AFAP1: variants seen among roughly 807,000 people sequenced by gnomAD.
AFAP1 encodes the protein actin filament-associated protein 1.
A neutral mutation model predicts 93.9 loss-of-function variants in AFAP1; 75 were observed. The observed-to-expected ratio is 0.80, with a 90% CI of 0.66 to 0.97. AFAP1 has a LOEUF of 0.97. AFAP1 is among the 50% of genes least tolerant of loss of function. The pLI is 0.00. For missense variants in AFAP1, 1,201 were observed against 1,050.8 expected, an observed-to-expected ratio of 1.14 and a Z score of -1.98; for synonymous variants, 517 against 430.7, an observed-to-expected ratio of 1.20 and a Z score of -2.48.
At chr4:7,791,291 C>A (rs1717838006) in intron 11 of AFAP1, among the ~76,000 whole-genome samples, 1 of 152,182 alleles carries the variant, frequency 6.6e-6, no homozygotes, top group Non-Finnish European at 1.5e-5. Context: ...CATTCACTTC[C>A]CTCACCCCAG....
intron 2 of AFAP1, among the ~76,000 whole-genome samples, chr4:7,869,838 A>G (rs1056768306): frequency 2.6e-5 from 2 of 78,126 alleles, no homozygotes; most frequent in Non-Finnish European, 5.9e-5. Flanking sequence ...AGAAAGGAAA[A>G]GGATAAATGA....
At chr4:7,858,552 A>G (rs572839646) in intron 3 of AFAP1, among the ~76,000 whole-genome samples, 10 of 152,252 alleles carry the variant, frequency 6.6e-5, no homozygotes, top group African/African-American at 2.2e-4. Flanking sequence ...ATCCTTTCCA[A>G]TAAGAATTCA....
chr4:7,787,038 G>T (rs1033331793), intron 11 of AFAP1, among the ~76,000 whole-genome samples: 1 of 152,218 alleles, frequency 6.6e-6, no homozygotes, highest in Admixed American at 6.5e-5. Context: ...CTACTGTGGC[G>T]TAATAAATAT....
At position 7,939,555 on chromosome 4, in the gene AFAP1, C is replaced by A; in HGVS notation, c.-3+101G>T. 1 of 373,860 alleles carries A rather than the reference C, an allele frequency of 2.7e-6. No homozygotes were observed. 23.2% of individuals were successfully genotyped at this position (373,860 alleles called of 1,614,324 possible). On this transcript the variant is annotated intron_variant, in intron 1 of 17. Coordinates refer to ENST00000420658, the MANE Select transcript of AFAP1 (RefSeq NM_001134647.2). This position sits in a 1 kb window ranked among gnomAD's most constrained non-coding sequence, Gnocchi z 5.6. ...CCGAGGCCGAGACAAAGCCCAGGCG[C>A]ACGGACCCCGGACCCTGCGGAGCCC...
At chr4:7,819,899 T>C (rs1305739696) in intron 6 of AFAP1, among the ~76,000 whole-genome samples, 4 of 152,240 alleles carry the variant, frequency 2.6e-5, no homozygotes, top group African/African-American at 9.6e-5. Flanking sequence ...CTTCCTCATC[T>C]GAAAAGTGCA....
Position 7,761,412 on chromosome 4 carries a change from G to C in AFAP1, c.*2353C>G, listed in dbSNP as rs1268275606. 1 of 152,240 alleles carries C rather than the reference G, an allele frequency of 6.6e-6. No individual in the cohort carries two copies. The highest frequency in any genetic ancestry group is 2.1e-4 in the South Asian group (1 of 4,838). 9.4% of individuals were successfully genotyped at this position (152,240 alleles called of 1,614,324 possible). On this transcript the variant is annotated 3_prime_UTR_variant, in exon 18 of 18. Transcript: ENST00000420658. ...CAACAAAATATGCATGCTGGGAGTC[G>C]AGCACCAATCAGCTGTGCCGTTGGG...
chr4:7,797,681 T>C (rs576289932), intron 10 of AFAP1, among the ~76,000 whole-genome samples: 13 of 152,302 alleles, frequency 8.5e-5, no homozygotes, highest in African/African-American at 3.1e-4. Context: ...ATGATAGGAA[T>C]AACTAGAAAA....
At chr4:7,838,021 A>C (rs527680797) in intron 6 of AFAP1, among the ~76,000 whole-genome samples, 9 of 152,224 alleles carry the variant, frequency 5.9e-5, no homozygotes, top group Non-Finnish European at 1.2e-4. Flanking sequence ...TTCAACAAAC[A>C]AAGAAAAAAG....
intron 1 of AFAP1, among the ~76,000 whole-genome samples, chr4:7,888,800 T>C (rs1489859658): frequency 6.6e-6 from 1 of 152,118 alleles, no homozygotes; most frequent in Non-Finnish European, 1.5e-5. Context: ...TTTGTTGTTG[T>C]TGTTTTTTGA....
intron 4 of AFAP1, among the ~76,000 whole-genome samples, chr4:7,850,714 T>C (rs1714334230): frequency 6.6e-6 from 1 of 152,230 alleles, no homozygotes; most frequent in Non-Finnish European, 1.5e-5. Context: ...GGGGCAGCCA[T>C]GGGCTCAGGT....
At chr4:7,779,166 T>C (rs1716482224) in intron 13 of AFAP1, 2 of 363,538 alleles carry the variant, frequency 5.5e-6, no homozygotes, top group African/African-American at 4.3e-5. Flanking sequence ...CTAACCAAGC[T>C]GGCGCAGGCA....
At chr4:7,906,747 G>A (rs527316053) in intron 1 of AFAP1, among the ~76,000 whole-genome samples, 106 of 152,354 alleles carry the variant, frequency 7.0e-4, no homozygotes, top group Non-Finnish European at 1.4e-3. Context: ...AAGGCCAGGC[G>A]CGGTGGCTCA....
chr4:7,902,514 C>T (rs1719173165), intron 1 of AFAP1, among the ~76,000 whole-genome samples: 1 of 151,976 alleles, frequency 6.6e-6, no homozygotes, highest in African/African-American at 2.4e-5. Context: ...GATTTTTTTC[C>T]CCTTGTTCTA....
At chr4:7,822,872 C>T (rs1197848594) in intron 6 of AFAP1, among the ~76,000 whole-genome samples, 1 of 151,162 alleles carries the variant, frequency 6.6e-6, no homozygotes, top group African/African-American at 2.4e-5. Context: ...GGATTACAGG[C>T]GTGAGCCACT....
chr4:7,863,632 C>T (rs770903330), intron 3 of AFAP1, among the ~76,000 whole-genome samples: 2 of 152,152 alleles, frequency 1.3e-5, no homozygotes, highest in African/African-American at 2.4e-5. Context: ...ATCTACTCTC[C>T]TGCAAGCACT....
Position 7,822,821 on chromosome 4 carries a change from C to T in AFAP1, c.727-3650G>A, listed in dbSNP as rs375836348. On this transcript the variant is annotated intron_variant, in intron 6 of 17. Transcript: ENST00000420658. The stretch of plus-strand genomic sequence containing the variant: ...TGTTAGCCAGGATGGTCTTGAACTC[C>T]GGACCTTGTGATCCGCCCGCATCGG... Among the ~76,000 whole-genome samples, 8 of 149,726 alleles carry T rather than the reference C, an allele frequency of 5.3e-5. No homozygotes were observed. In the East Asian group the frequency reaches 1.4e-3, roughly 25 times the overall value.
chr4:7,923,792 TC>T (rs1008121197), intron 1 of AFAP1, among the ~76,000 whole-genome samples: 64 of 152,292 alleles, frequency 4.2e-4, no homozygotes, highest in African/African-American at 1.3e-3. Context: ...AGGCCACTGA[TC>T]CTGTCAGACC....
chr4:7,822,748 C>G (rs1206253451), intron 6 of AFAP1, among the ~76,000 whole-genome samples: 1 of 101,058 alleles, frequency 9.9e-6, no homozygotes, highest in Non-Finnish European at 2.0e-5. Context: ...CTGCGCCCGG[C>G]TAATTTTTTT....
At chr4:7,793,648 T>G in intron 11 of AFAP1, 33 bp downstream of exon 11, 1 of 1,480,292 alleles carries the variant, frequency 6.8e-7, no homozygotes, top group Non-Finnish European at 9.1e-7. Flanking sequence ...GTTACTGAAC[T>G]GTGGTGCCAT....
Sources: gnomAD v4.1 joint callset for allele counts (sites outside exome capture counted in the v4.1 genomes callset) on GRCh38, gnomAD v4.1.1 for gene constraint, Gnocchi (gnomAD v3.1) non-coding constraint, MANE v1.5 for transcripts, NCBI Gene and HGNC (gene_info 2026-07-23, HGNC 2026-07-21) for gene names.